GRIA2: variants seen among roughly 807,000 people sequenced by gnomAD.
GRIA2 encodes glutamate ionotropic receptor AMPA type subunit 2, also known as glutamate receptor 2.
GRIA2 carries 14 observed loss-of-function variants against 97.3 expected under a neutral mutation model. That is an observed-to-expected ratio of 0.14 (90% CI 0.10 to 0.23). The LOEUF (loss-of-function observed/expected upper bound fraction) is 0.23, where lower values mean the gene tolerates loss of function less well. Among genes scored for constraint, GRIA2 ranks in the 10% least tolerant of loss-of-function variants. The probability of loss-of-function intolerance (pLI) is 1.00; values close to 1 mark genes in which losing one functional copy is unlikely to be tolerated. For synonymous variants in GRIA2, 412 were observed against 387.8 expected (o/e 1.06, Z -0.73); for missense variants, 558 against 1,069.8 (o/e 0.52, Z 6.67).
chr4:157,274,475 T>C (rs1410493799), intron 2 of GRIA2, among the ~76,000 whole-genome samples: 4 of 151,746 alleles, frequency 2.6e-5, no homozygotes, highest in Non-Finnish European at 4.4e-5. Flanking sequence ...CATTAACTTG[T>C]CATTTAGCAT....
chr4:157,339,319 T>C (rs1272470966), intron 11 of GRIA2, among the ~76,000 whole-genome samples: 3 of 151,992 alleles, frequency 2.0e-5, no homozygotes, highest in Admixed American at 6.6e-5. Flanking sequence ...CCTTTAGTGC[T>C]GATGCTGATG....
intron 2 of GRIA2, among the ~76,000 whole-genome samples, chr4:157,238,049 A>G (rs529113594): frequency 2.4e-4 from 36 of 152,274 alleles, no homozygotes; most frequent in Middle Eastern, 3.4e-3. Flanking sequence ...AAGAAAGGTG[A>G]AGGAACTCAG....
chr4:157,300,150 A>T (rs1371079152), intron 2 of GRIA2, among the ~76,000 whole-genome samples: 2 of 152,108 alleles, frequency 1.3e-5, no homozygotes, highest in Non-Finnish European at 2.9e-5. Flanking sequence ...AATGGCTTTA[A>T]ATTTTGGAGG....
chr4:157,345,634 TG>T (rs1161595857), intron 12 of GRIA2, among the ~76,000 whole-genome samples: 1 of 152,250 alleles, frequency 6.6e-6, no homozygotes, highest in East Asian at 1.9e-4. Flanking sequence ...AGGACAGGAA[TG>T]GTTTTCTTAT....
intron 12 of GRIA2, among the ~76,000 whole-genome samples, chr4:157,358,211 A>G (rs1736477745): frequency 1.3e-5 from 2 of 152,188 alleles, no homozygotes; most frequent in Non-Finnish European, 2.9e-5. Flanking sequence ...AAGGCAGACT[A>G]TAGGAGAAAA....
At chr4:157,231,195 C>T (rs193289590) in intron 2 of GRIA2, among the ~76,000 whole-genome samples, 4 of 152,174 alleles carry the variant, frequency 2.6e-5, no homozygotes, top group Admixed American at 6.5e-5. Context: ...CACACCGCCA[C>T]GCCTGGCTAA....
chr4:157,248,437 C>T (rs878914582), intron 2 of GRIA2, among the ~76,000 whole-genome samples: 1 of 146,172 alleles, frequency 6.8e-6, no homozygotes, highest in Admixed American at 6.9e-5. Flanking sequence ...TGTGGTGGCA[C>T]ACGCTTGTAA....
At chr4:157,228,258 G>C (rs1242076724) in intron 2 of GRIA2, among the ~76,000 whole-genome samples, 1 of 152,058 alleles carries the variant, frequency 6.6e-6, no homozygotes, top group Non-Finnish European at 1.5e-5. Context: ...TTTAAAGTTA[G>C]AATTTTGTAT....
At chr4:157,264,733 G>T (rs890980877) in intron 2 of GRIA2, among the ~76,000 whole-genome samples, 1 of 152,100 alleles carries the variant, frequency 6.6e-6, no homozygotes, top group African/African-American at 2.4e-5. Flanking sequence ...AAAGCAGGTT[G>T]CTAGTCCCAT....
At chr4:157,320,451 A>C (rs571160551) in intron 5 of GRIA2, among the ~76,000 whole-genome samples, 2 of 152,254 alleles carry the variant, frequency 1.3e-5, no homozygotes, top group African/African-American at 4.8e-5. Flanking sequence ...GAAGCAACTT[A>C]ACTGGAACAT....
At chr4:157,354,495 C>G (rs1017908986) in intron 12 of GRIA2, among the ~76,000 whole-genome samples, 3 of 152,088 alleles carry the variant, frequency 2.0e-5, no homozygotes, top group African/African-American at 7.2e-5. Context: ...CTATTAATAA[C>G]ACAAAACCAT....
chr4:157,254,345 A>C (rs1346451317), intron 2 of GRIA2, among the ~76,000 whole-genome samples: 1 of 152,128 alleles, frequency 6.6e-6, no homozygotes, highest in Non-Finnish European at 1.5e-5. Flanking sequence ...ATAAGCCATA[A>C]AGGAAACGGT....
At chr4:157,323,280 G>A (rs986823680) in intron 6 of GRIA2, among the ~76,000 whole-genome samples, 9 of 141,728 alleles carry the variant, frequency 6.4e-5, no homozygotes, top group Non-Finnish European at 1.1e-4. Flanking sequence ...GCTTGCAGTG[G>A]GCCGAGATCG....
chr4:157,311,649 A>G (rs1407692626), intron 3 of GRIA2, among the ~76,000 whole-genome samples: 1 of 152,004 alleles, frequency 6.6e-6, no homozygotes, highest in Non-Finnish European at 1.5e-5. Flanking sequence ...TTATTAATCA[A>G]AAGGGACTAA....
chr4:157,363,072 C>A, intron 15 of GRIA2, 25 bp downstream of exon 15: 2 of 1,580,646 alleles, frequency 1.3e-6, no homozygotes, highest in South Asian at 1.2e-5. Flanking sequence ...CTAATACAAA[C>A]TTTTTAGTGC....
chr4:157,306,719 A>G (rs903475677), intron 3 of GRIA2, among the ~76,000 whole-genome samples: 3 of 152,054 alleles, frequency 2.0e-5, no homozygotes, highest in Non-Finnish European at 2.9e-5. Context: ...AATTTTTGCT[A>G]TTTGTTTTTT....
chr4:157,341,532 C>T lies in GRIA2; in HGVS notation c.2043+70C>T, dbSNP rs956196939. ...TAACCTATTTAAACTTTGTTTCCCTCCCATAGTCAATTCCAAGGTACTATG... is the reference window on the plus strand; with the variant it reads ...TAACCTATTTAAACTTTGTTTCCCTTCCATAGTCAATTCCAAGGTACTATG... On this transcript the variant is annotated intron_variant, in intron 12 of 15. Transcript: ENST00000264426. 5 of 1,038,998 alleles carry T rather than the reference C, an allele frequency of 4.8e-6. No homozygotes were observed. In the Admixed American group the frequency reaches 5.2e-5, roughly 11 times the overall value. The allele number at this position is 1,038,998 out of a possible 1,614,324, so 64.4% of individuals were successfully genotyped here. A position where few individuals can be genotyped will look rare whatever the true frequency, so the allele number is the denominator to read the frequency against.
intron 2 of GRIA2, among the ~76,000 whole-genome samples, chr4:157,273,387 C>T (rs1221221820): frequency 2.0e-5 from 3 of 151,960 alleles, no homozygotes; most frequent in Non-Finnish European, 2.9e-5. Flanking sequence ...ACAGAACAAG[C>T]ATCAGAACCA....
intron 6 of GRIA2, among the ~76,000 whole-genome samples, chr4:157,332,406 T>G (rs1201520896): frequency 2.0e-5 from 3 of 151,990 alleles, no homozygotes; most frequent in Non-Finnish European, 4.4e-5. Flanking sequence ...TAATCCATAT[T>G]CCTTCTGCAT....
Sources: allele counts gnomAD v4.1 joint callset (sites outside exome capture counted in the v4.1 genomes callset), GRCh38; gene constraint gnomAD v4.1.1; transcripts MANE v1.5; gene names NCBI Gene and HGNC (gene_info 2026-07-23, HGNC 2026-07-21).